The following RNF17 variants were observed in gnomAD, a reference collection of about 807,000 sequenced individuals.
RNF17 encodes ring finger protein 17, also known as spermatogenesis associated 23.
In RNF17, 31 loss-of-function variants were observed where a neutral mutation model predicts 200.5. The observed-to-expected ratio is 0.15, with a 90% CI of 0.12 to 0.21. The LOEUF is 0.21. Ranked by LOEUF, RNF17 falls within the 10% of genes least tolerant of loss-of-function variation. The pLI is 1.00. For missense variants in RNF17, 1,628 were observed against 1,905.1 expected, an observed-to-expected ratio of 0.85 and a Z score of 2.71; for synonymous variants, 606 against 637.8, an observed-to-expected ratio of 0.95 and a Z score of 0.75.
At chr13:24,774,964 A>G in intron 3 of RNF17, 60 bp downstream of exon 3, 1 of 1,101,934 alleles carries the variant, frequency 9.1e-7, no homozygotes, top group South Asian at 1.4e-5. Flanking sequence ...AAATAGTTTT[A>G]GAATTATTGA....
chr13:24,881,075 T>C (rs147637275), downstream of RNF17, among the ~76,000 whole-genome samples: 430 of 152,342 alleles, frequency 2.8e-3, 6 homozygotes, highest in African/African-American at 9.9e-3. Context: ...GATCAGTTGT[T>C]TGTCTTCTAA....
chr13:24,874,359 T>G, intron 33 of RNF17, 110 bp downstream of exon 33: 1 of 901,290 alleles, frequency 1.1e-6, no homozygotes, highest in Non-Finnish European at 1.6e-6. Flanking sequence ...CTAAGGCTGT[T>G]TATAAATTAG....
At chr13:24,750,901 C>T in the RNF17 span, 1 of 152,126 alleles carries the variant, frequency 6.6e-6, no homozygotes, top group African/African-American at 2.4e-5. Context: ...TTGAGATATC[C>T]ACTCGTCTAC....
chr13:24,773,863 A>G (rs1268916015), intron 2 of RNF17, among the ~76,000 whole-genome samples: 2 of 152,144 alleles, frequency 1.3e-5, no homozygotes, highest in African/African-American at 4.8e-5. Flanking sequence ...GGACCTAGGC[A>G]CCCAGAGAAT....
intron 15 of RNF17, among the ~76,000 whole-genome samples, chr13:24,813,313 C>T (rs1434921666): frequency 6.6e-6 from 1 of 152,104 alleles, no homozygotes; most frequent in Non-Finnish European, 1.5e-5. Context: ...GCACATACCA[C>T]CACACCTGTC....
chr13:24,748,892 G>A, the RNF17 span, among the ~76,000 whole-genome samples: 46 of 152,068 alleles, frequency 3.0e-4, no homozygotes, highest in African/African-American at 1.1e-3. Context: ...TGGGATTACA[G>A]GCATGTGCCA....
At chr13:24,852,389 T>G (rs563712224) in intron 24 of RNF17, among the ~76,000 whole-genome samples, 2 of 152,076 alleles carry the variant, frequency 1.3e-5, no homozygotes, top group East Asian at 3.9e-4. Flanking sequence ...CTGCCCGCCT[T>G]GGCCTCCCAA....
At chr13:24,756,140 T>C in the RNF17 span, among the ~76,000 whole-genome samples, 2 of 152,194 alleles carry the variant, frequency 1.3e-5, no homozygotes, top group South Asian at 4.1e-4. Context: ...TTTGATATCA[T>C]ACTTTTGATT....
At chr13:24,837,796 A>C (rs1434016081) in intron 18 of RNF17, among the ~76,000 whole-genome samples, 1 of 152,178 alleles carries the variant, frequency 6.6e-6, no homozygotes, top group Non-Finnish European at 1.5e-5. Context: ...GAGAAACAAG[A>C]ACAAGCCAAA....
chr13:24,794,447 A>G (rs1357566), intron 10 of RNF17, among the ~76,000 whole-genome samples: 151,647 of 152,310 alleles, frequency 1, 75,496 homozygotes, highest in Middle Eastern at 1. Flanking sequence ...GCCGAGGCAC[A>G]TGGATGATTT....
chr13:24,800,015 T>G (rs527236304), intron 12 of RNF17, among the ~76,000 whole-genome samples: 1 of 152,176 alleles, frequency 6.6e-6, no homozygotes, highest in Non-Finnish European at 1.5e-5. Context: ...CAAACTGATA[T>G]GTTTCTGTAG....
At chr13:24,868,854 C>G (rs1475511824) in intron 31 of RNF17, 138 bp downstream of exon 31, 2 of 625,968 alleles carry the variant, frequency 3.2e-6, no homozygotes, top group South Asian at 1.9e-5. Flanking sequence ...TTGCCCCACC[C>G]TATAATATCC....
chr13:24,844,673 T>C lies in RNF17; in HGVS notation c.2853T>C (p.Ala951=), dbSNP rs556265161. The C allele has an allele frequency of 8.7e-6, 14 of 1,601,500 alleles. No homozygotes were observed. In the South Asian group the frequency reaches 1.3e-4, roughly 15 times the overall value. The change falls in exon 21 of 36, where the codon GCT becomes GCC. Residue 951 remains alanine, a synonymous_variant. Coordinates refer to ENST00000255324, the MANE Select transcript of RNF17 (RefSeq NM_031277.3). ...ATAGTTTAGAAGAAAAGATGATAGC[T>C]GCTTATGAAAACTCAAAATGGGAAC... ...LLNSLEEKMI[A]AYENSKWEPV...
chr13:24,809,902 A>T (rs894247530), intron 15 of RNF17, among the ~76,000 whole-genome samples: 28 of 151,908 alleles, frequency 1.8e-4, no homozygotes, highest in African/African-American at 6.5e-4. Context: ...TTATGTACCC[A>T]GTAGTCATTC....
At chr13:24,830,361 A>G in intron 16 of RNF17, 123 bp from the exon 17 acceptor site, 1 of 569,544 alleles carries the variant, frequency 1.8e-6, no homozygotes, top group Admixed American at 3.5e-5. Flanking sequence ...TACATTTTAA[A>G]AAGTATTAAG....
chr13:24,871,799 A>ATT (rs1214613021), intron 32 of RNF17, among the ~76,000 whole-genome samples: 1 of 151,198 alleles, frequency 6.6e-6, no homozygotes, highest in Admixed American at 6.6e-5. Context: ...CGCCCAGCTA[A>ATT]TTTTTGTATT....
intron 31 of RNF17, among the ~76,000 whole-genome samples, chr13:24,869,934 ATTTT>A (rs34196797): frequency 1.2e-5 from 1 of 83,754 alleles, no homozygotes; most frequent in Admixed American, 1.6e-4. Context: ...TGCCCAGCTA[ATTTT>A]TTTTTTTTTT....
At chr13:24,780,402 A>G (rs1011741936) in intron 5 of RNF17, among the ~76,000 whole-genome samples, 1 of 152,204 alleles carries the variant, frequency 6.6e-6, no homozygotes, top group African/African-American at 2.4e-5. Context: ...AGAGCAAATC[A>G]GTGGTAAATT....
At chr13:24,886,954 C>G in the RNF17 span, among the ~76,000 whole-genome samples, 1 of 152,054 alleles carries the variant, frequency 6.6e-6, no homozygotes, top group Non-Finnish European at 1.5e-5. Context: ...GAGAGGTGAC[C>G]GTGGGCATAG....
Sources: gnomAD v4.1 joint callset for allele counts (sites outside exome capture counted in the v4.1 genomes callset) on GRCh38, gnomAD v4.1.1 for gene constraint, MANE v1.5 for transcripts, NCBI Gene and HGNC (gene_info 2026-07-23, HGNC 2026-07-21) for gene names.